The following USP16 variants were observed in gnomAD, a reference collection of about 807,000 sequenced individuals.
USP16 encodes ubiquitin specific peptidase 16.
In USP16, 77 loss-of-function variants were observed where a neutral mutation model predicts 95.9. That is an observed-to-expected ratio of 0.80 (90% CI 0.67 to 0.97). The LOEUF is 0.97. Among genes scored for constraint, USP16 ranks in the 50% least tolerant of loss-of-function variants. USP16 has a pLI of 0.00. For synonymous variants in USP16, 303 were observed against 318.2 expected, an observed-to-expected ratio of 0.95 and a Z score of 0.51; for missense variants, 943 against 959.9, an observed-to-expected ratio of 0.98 and a Z score of 0.23.
intron 10 of USP16, among the ~76,000 whole-genome samples, chr21:29,041,386 C>T (rs934552302): frequency 2.6e-5 from 4 of 152,008 alleles, no homozygotes; most frequent in African/African-American, 4.8e-5. Context: ...ATAGGTTTCA[C>T]GTATTTGGAA....
chr21:29,028,293 T>G (rs112024808), intron 2 of USP16, among the ~76,000 whole-genome samples: 2,362 of 151,564 alleles, frequency 0.016, 51 homozygotes, highest in African/African-American at 0.054. Flanking sequence ...CAGCTAATTT[T>G]TTTTTTTTTT....
At chr21:29,035,036 T>C in intron 4 of USP16, 96 bp downstream of exon 4, 1 of 1,199,800 alleles carries the variant, frequency 8.3e-7, no homozygotes, top group Non-Finnish European at 1.2e-6. Flanking sequence ...CAATTTAAAA[T>C]TTTTGTAGTA....
At chr21:29,032,301 G>A (rs2085088964) in intron 3 of USP16, among the ~76,000 whole-genome samples, 1 of 151,960 alleles carries the variant, frequency 6.6e-6, no homozygotes, top group South Asian at 2.1e-4. Flanking sequence ...GTATAATCAC[G>A]GCTCACGGCA....
intron 3 of USP16, among the ~76,000 whole-genome samples, chr21:29,033,944 A>G (rs1485082857): frequency 6.6e-6 from 1 of 152,240 alleles, no homozygotes; most frequent in Non-Finnish European, 1.5e-5. Context: ...CTGGATAAAT[A>G]GAATAATGTG....
Position 29,034,794 on chromosome 21 carries a change from T to C in USP16, c.241-43T>C, listed in dbSNP as rs1212392663. 3.1e-6 allele frequency: 5 copies of C among 1,588,566 alleles called. No individual in the cohort carries two copies. In the East Asian group the frequency reaches 8.9e-5, roughly 28 times the overall value. On this transcript the variant is annotated intron_variant, in intron 3 of 17. Coordinates refer to ENST00000399976, the MANE Select transcript of USP16 (RefSeq NM_006447.3). Reference sequence around the variant, plus strand: ...TAGATTATGCATTCTCCCCTCTTGCTGAGTTTTTATGGCTTTGAGGTTTAT... The same window carrying C: ...TAGATTATGCATTCTCCCCTCTTGCCGAGTTTTTATGGCTTTGAGGTTTAT...
intron 1 of USP16, among the ~76,000 whole-genome samples, chr21:29,025,294 T>C (rs2084970576): frequency 6.6e-6 from 1 of 152,150 alleles, no homozygotes; most frequent in African/African-American, 2.4e-5. Flanking sequence ...AGGGGAAGAC[T>C]GGGAGGGCAG....
chr21:29,045,559 AGTTT>A (rs2085310032), intron 13 of USP16, among the ~76,000 whole-genome samples: 1 of 149,346 alleles, frequency 6.7e-6, no homozygotes, highest in Admixed American at 6.7e-5. Context: ...GTTTTCTTTC[AGTTT>A]GTTTTTTTTT....
intron 13 of USP16, among the ~76,000 whole-genome samples, chr21:29,044,016 T>A (rs1226890499): frequency 6.6e-6 from 1 of 151,644 alleles, no homozygotes; most frequent in Non-Finnish European, 1.5e-5. Flanking sequence ...CACTGCAACC[T>A]CCATCTCCTA....
chr21:29,046,355 A>T (rs1170663333), intron 13 of USP16, among the ~76,000 whole-genome samples: 1 of 151,804 alleles, frequency 6.6e-6, no homozygotes, highest in Non-Finnish European at 1.5e-5. Context: ...TTGCCCAAGC[A>T]TGTCCCAAAC....
Position 29,038,291 on chromosome 21 carries a change from G to C in USP16, c.637-44G>C, listed in dbSNP as rs187128572. On this transcript the variant is annotated intron_variant, in intron 6 of 17. Transcript: ENST00000399976. Reference sequence around the variant, plus strand: ...ACTTAAGAAGTGTCAGAGTTGATTTGCCTTTAAATAATTTTTCTCTTTTTT... The same window carrying C: ...ACTTAAGAAGTGTCAGAGTTGATTTCCCTTTAAATAATTTTTCTCTTTTTT... 218 of 1,357,662 alleles carry C rather than the reference G, an allele frequency of 1.6e-4. No individual in the cohort carries two copies. The East Asian group carries it at 4.7e-3, about 29-fold the overall frequency. 84.1% of individuals were successfully genotyped at this position (1,357,662 alleles called of 1,614,324 possible).
chr21:29,048,543 G>A (rs1382065012), intron 14 of USP16, among the ~76,000 whole-genome samples: 1 of 152,094 alleles, frequency 6.6e-6, no homozygotes, highest in African/African-American at 2.4e-5. Flanking sequence ...GATTTCATCA[G>A]TAAGAATTTA....
rs2085205387 is a variant in USP16 at position 29,039,111 on chromosome 21, AG to A, written c.823del (p.Val275LeufsTer2). ...CTTAATGAGATGCAAGAGACCAAAA[AG>A]GGGGTTGTGACACCGAAAGAACTCT... is the stretch of plus-strand genomic sequence containing the variant. ...QFLNEMQETK[K>X]GVVTPKELFS... On this transcript the variant is annotated frameshift_variant, in exon 8 of 18. Transcript: ENST00000399976. LOFTEE classifies it high-confidence loss of function. 4 of 1,586,530 alleles carry A rather than the reference AG, an allele frequency of 2.5e-6. No homozygotes were observed. The highest frequency in any genetic ancestry group is 3.4e-6 in the Non-Finnish European group (4 of 1,164,466).
rs777189421 is a variant in USP16 at position 29,039,477 on chromosome 21, C to G, written c.864-4C>G. 32 of 1,612,046 alleles carry G rather than the reference C, an allele frequency of 2.0e-5. No individual in the cohort carries two copies. The highest frequency in any genetic ancestry group is 2.2e-5 in the Non-Finnish European group (26 of 1,178,938). On this transcript the variant is annotated splice_region_variant and splice_polypyrimidine_tract_variant and intron_variant, in intron 8 of 17. Coordinates refer to ENST00000399976, the MANE Select transcript of USP16 (RefSeq NM_006447.3). ...TGCTTTTCTGTCTTTTTGTTTTTCT[C>G]TAGAGCAGTGCGGTTTAAAGGCTAT...
chr21:29,041,534 T>C lies in USP16; in HGVS notation c.1031-479T>C, dbSNP rs17811387. On this transcript the variant is annotated intron_variant, in intron 10 of 17. Transcript: ENST00000399976. The stretch of plus-strand genomic sequence containing the variant: ...AGGTTTTTCTTTTGTTTTTAAAATA[T>C]CAAAGGAGTTCAGTCTTAGAGTTCA... Among the ~76,000 whole-genome samples the C allele has an allele frequency of 1.0e-2, 1,519 of 152,324 alleles. 12 individuals are homozygous for C. Among genetic ancestry groups the C allele is most frequent in the Non-Finnish European group, 0.016 (1,094 of 68,004 alleles).
At chr21:29,049,851 G>A (rs62222374) in intron 15 of USP16, among the ~76,000 whole-genome samples, 6,250 of 152,222 alleles carry the variant, frequency 0.041, 147 homozygotes, top group Middle Eastern at 0.11. Flanking sequence ...ATGTGCCATC[G>A]TGTCCAGCTG....
intron 14 of USP16, 129 bp downstream of exon 14, chr21:29,047,450 T>G: frequency 9.3e-7 from 1 of 1,076,074 alleles, no homozygotes; most frequent in Non-Finnish European, 1.3e-6. Context: ...GTGTAAATAT[T>G]TTAATAGGAT....
At chr21:29,052,612 A>T (rs1265325223) in intron 16 of USP16, 1 of 152,294 alleles carries the variant, frequency 6.6e-6, no homozygotes, top group Non-Finnish European at 1.5e-5. Flanking sequence ...GGGTAGGGAC[A>T]CAGCCAAACC....
intron 13 of USP16, among the ~76,000 whole-genome samples, 163 bp downstream of exon 13, chr21:29,043,762 T>C (rs2085279878): frequency 6.6e-6 from 1 of 152,224 alleles, no homozygotes; most frequent in African/African-American, 2.4e-5. Context: ...GCAGGGAAAT[T>C]GCTTTGAGTA....
Position 29,054,090 on chromosome 21 carries a change from A to G in USP16, c.2375A>G (p.Gln792Arg), listed in dbSNP as rs1180086686. The change falls in exon 18 of 18, where the codon CAG (glutamine) becomes CGG (arginine). Residue 792 changes from glutamine (Q) to arginine (R), a missense_variant. Physicochemically the swap from Gln to Arg is conservative, Grantham distance 43. Transcript: ENST00000399976. Reference sequence around the variant, plus strand: ...GATTTTGAAATGGAATCAAAAGGGCAGTGGTTTCACATCAGCGACACACAT... The same window carrying G: ...GATTTTGAAATGGAATCAAAAGGGCGGTGGTTTCACATCAGCGACACACAT... ...PQDFEMESKG[Q>R]WFHISDTHVQ... The G allele has an allele frequency of 1.9e-6, 3 of 1,614,248 alleles. No homozygotes were observed. Among genetic ancestry groups the G allele is most frequent in the Non-Finnish European group, 2.5e-6 (3 of 1,180,028 alleles).
Sources: allele counts gnomAD v4.1 joint callset (sites outside exome capture counted in the v4.1 genomes callset), GRCh38; gene constraint gnomAD v4.1.1; transcripts MANE v1.5; gene names NCBI Gene and HGNC (gene_info 2026-07-23, HGNC 2026-07-21).